The following APAF1 variants were observed in gnomAD, a reference collection of about 807,000 sequenced individuals.
The protein encoded by APAF1 is apoptotic protease-activating factor 1.
A neutral mutation model predicts 152.4 loss-of-function variants in APAF1; 91 were observed. The observed-to-expected ratio is 0.60, with a 90% CI of 0.50 to 0.71. The LOEUF (loss-of-function observed/expected upper bound fraction) is 0.71, where lower values mean the gene tolerates loss of function less well. Ranked by LOEUF, APAF1 falls within the 30% of genes least tolerant of loss-of-function variation. The probability of loss-of-function intolerance (pLI) is 0.00; values close to 1 mark genes in which losing one functional copy is unlikely to be tolerated. For missense variants in APAF1, 1,283 were observed against 1,472.0 expected (o/e 0.87, Z 2.10); for synonymous variants, 484 against 494.1 (o/e 0.98, Z 0.27).
chr12:98,725,305 G>A, intron 24 of APAF1, 110 bp from the exon 25 acceptor site: 1 of 1,387,068 alleles, frequency 7.2e-7, no homozygotes, highest in Non-Finnish European at 1.0e-6. Flanking sequence ...TTTATGAATT[G>A]CCAGATATTA....
intron 16 of APAF1, among the ~76,000 whole-genome samples, chr12:98,690,248 C>CTTTCTGGGTAGAATTCTACTT (rs2097702769): frequency 6.6e-6 from 1 of 152,170 alleles, no homozygotes; most frequent in South Asian, 2.1e-4. Flanking sequence ...TCTAGAAACT[C>CTTTCTGGGTAGAATTCTACTT]TTTCTGGGTA....
Position 98,723,231 on chromosome 12 carries a change from A to G in APAF1, c.3123A>G (p.Arg1041=). 6.2e-7 allele frequency: 1 copy of G among 1,613,616 alleles called. No homozygotes were observed. Among genetic ancestry groups the G allele is most frequent in the Non-Finnish European group, 8.5e-7 (1 of 1,179,558 alleles). ...AATTGGACAAATGTATCTTTCTACG[A>G]GGCCATCAGGAAACAGTGAAAGACT... is the stretch of plus-strand genomic sequence containing the variant. ...NWQLDKCIFL[R]GHQETVKDFR... Residue 1041 remains arginine, a synonymous_variant, in exon 23 of 27, where the codon CGA becomes CGG. Transcript: ENST00000551964.
intron 26 of APAF1, among the ~76,000 whole-genome samples, chr12:98,727,961 TAAA>T (rs1379168541): frequency 2.9e-5 from 4 of 138,996 alleles, no homozygotes; most frequent in Non-Finnish European, 4.7e-5. Context: ...AATAAATAAA[TAAA>T]TAAATTAATT....
chr12:98,681,917 A>G (rs1487978199), intron 14 of APAF1, among the ~76,000 whole-genome samples: 1 of 152,250 alleles, frequency 6.6e-6, no homozygotes, highest in Non-Finnish European at 1.5e-5. Context: ...GGAAATGCCA[A>G]AGGACATTAG....
chr12:98,711,378 G>A (rs1000761586), intron 20 of APAF1, among the ~76,000 whole-genome samples: 3 of 152,130 alleles, frequency 2.0e-5, no homozygotes, highest in Non-Finnish European at 4.4e-5. Context: ...TTTCATTTAA[G>A]TGAATAAAAC....
intron 1 of APAF1, among the ~76,000 whole-genome samples, chr12:98,646,780 A>C (rs2097641231): frequency 1.3e-5 from 2 of 152,204 alleles, no homozygotes; most frequent in South Asian, 2.1e-4. Context: ...CCCATGGAAA[A>C]ATTTGCATTA....
intron 12 of APAF1, among the ~76,000 whole-genome samples, chr12:98,675,554 CTCTTT>C (rs2097685588): frequency 6.6e-6 from 1 of 152,140 alleles, no homozygotes; most frequent in Non-Finnish European, 1.5e-5. Flanking sequence ...CATGTACAGA[CTCTTT>C]TCTTGTTATT....
At chr12:98,659,594 A>T (rs1368435457) in intron 5 of APAF1, among the ~76,000 whole-genome samples, 1 of 152,046 alleles carries the variant, frequency 6.6e-6, no homozygotes, top group African/African-American at 2.4e-5. Flanking sequence ...TCTACTAAAC[A>T]TACAAAATTA....
At chr12:98,729,921 T>TA (rs1346685082) in intron 26 of APAF1, among the ~76,000 whole-genome samples, 1 of 152,154 alleles carries the variant, frequency 6.6e-6, no homozygotes. Context: ...TATTTGATAA[T>TA]ACAGTAGGGA....
Position 98,723,619 on chromosome 12 carries a change from G to GTTTTTTTT in APAF1, c.3205-11_3205-4dup. 7.3e-7 allele frequency: 1 copy of GTTTTTTTT among 1,366,724 alleles called. No individual in the cohort carries two copies. Among genetic ancestry groups the GTTTTTTTT allele is most frequent in the Non-Finnish European group, 1.0e-6 (1 of 999,874 alleles). 84.7% of individuals were successfully genotyped at this position (1,366,724 alleles called of 1,614,324 possible). ...TTCTTAAAAGTGTCAACCTCCAAGT[G>GTTTTTTTT]TTTTTTTTTTTTTTTTAAGGTATGG... On this transcript the variant is annotated intron_variant, in intron 23 of 26. Coordinates refer to ENST00000551964, the MANE Select transcript of APAF1 (RefSeq NM_181861.2).
intron 12 of APAF1, among the ~76,000 whole-genome samples, chr12:98,672,246 C>T (rs1331330863): frequency 2.6e-5 from 4 of 152,040 alleles, no homozygotes; most frequent in Non-Finnish European, 2.9e-5. Flanking sequence ...CTCACTGCAA[C>T]CTCTGCCTCC....
At chr12:98,647,562 G>A (rs1040763256) in intron 1 of APAF1, among the ~76,000 whole-genome samples, 3 of 151,904 alleles carry the variant, frequency 2.0e-5, no homozygotes, top group South Asian at 2.1e-4. Context: ...AGTAGAGACA[G>A]GGTTTCACCA....
At chr12:98,705,332 AAG>A (rs999717686) in intron 18 of APAF1, among the ~76,000 whole-genome samples, 5 of 152,168 alleles carry the variant, frequency 3.3e-5, no homozygotes, top group Non-Finnish European at 4.4e-5. Flanking sequence ...AGAAAGTGGG[AAG>A]AGAGGGGAGG....
rs867128710 is a variant in APAF1, at chr12:98,647,725, T to C, written c.-41-594T>C. On this transcript the variant is annotated intron_variant, in intron 1 of 26. Coordinates refer to ENST00000551964, the MANE Select transcript of APAF1 (RefSeq NM_181861.2). ...TTTCTGTTTTTTTTTTTTTTTTTTTTCAGCAACAGTATTATGAACATCTTT... is the reference window on the plus strand; with the variant it reads ...TTTCTGTTTTTTTTTTTTTTTTTTTCCAGCAACAGTATTATGAACATCTTT... 3.1e-4 allele frequency among the ~76,000 whole-genome samples: 44 copies of C among 143,410 alleles called. No homozygotes were observed. In the South Asian group the frequency reaches 5.8e-3, roughly 19 times the overall value. The allele number at this position is 143,410 out of a possible 152,430, so 94.1% of individuals were successfully genotyped here.
Position 98,659,274 on chromosome 12 carries a change from A to T in APAF1, c.641A>T (p.Gln214Leu). ...TTGGATCAGGATGAGAGTTTTTCCC[A>T]GAGGCTTCCACTTAATATTGAAGAG... ...TRLDQDESFSQRLPLNIEEAK... is the reference protein window; with the variant it reads ...TRLDQDESFSLRLPLNIEEAK... The change falls in exon 5 of 27, where the codon CAG becomes CTG. Residue 214 changes from glutamine to leucine, a missense_variant. Gln to Leu is a moderately radical substitution (Grantham distance 113). Transcript: ENST00000551964. The T allele has an allele frequency of 6.2e-7, 1 of 1,614,218 alleles. No individual in the cohort carries two copies. Among genetic ancestry groups the T allele is most frequent in the Non-Finnish European group, 8.5e-7 (1 of 1,180,040 alleles).
rs189274286 is a variant in APAF1, at chr12:98,680,252, A to C, written c.1921-25A>C. On this transcript the variant is annotated intron_variant, in intron 13 of 26. Transcript: ENST00000551964. Reference sequence around the variant, plus strand: ...CAGTAGTTAAGCAGTTTATTATAAAAAATATTTTATTGTTACTTGTGCAGG... The same window carrying C: ...CAGTAGTTAAGCAGTTTATTATAAACAATATTTTATTGTTACTTGTGCAGG... 114 of 1,551,436 alleles carry C rather than the reference A, an allele frequency of 7.3e-5. 1 individual carries two copies. In the Middle Eastern group the frequency reaches 1.2e-3, roughly 16 times the overall value.
intron 16 of APAF1, among the ~76,000 whole-genome samples, chr12:98,692,274 G>A (rs904157755): frequency 1.3e-5 from 2 of 151,972 alleles, no homozygotes; most frequent in Non-Finnish European, 2.9e-5. Flanking sequence ...GAGTAGAGAC[G>A]GGGTTTCACC....
rs145807191 is a variant in APAF1, at chr12:98,706,501, C to T, written c.2612C>T (p.Ser871Leu). 1.4e-3 allele frequency: 2,307 copies of T among 1,614,024 alleles called. 5 individuals are homozygous for T. The highest frequency in any genetic ancestry group is 1.7e-3 in the Non-Finnish European group (2,035 of 1,179,922). The change falls in exon 19 of 27, where the codon TCA (serine) becomes TTA (leucine). Residue 871 changes from serine (S) to leucine (L), a missense_variant. Transcript: ENST00000551964. ...QYCVELWNTD[S>L]RSKVADCRGH... The stretch of plus-strand genomic sequence containing the variant: ...ATTCTGTAGTTGTGGAATACAGACT[C>T]ACGTTCAAAGGTGGCTGATTGCAGA...
In APAF1 at chr12:98,662,694, T is replaced by C. The variant is rs2097667111; in HGVS notation, c.843T>C (p.Pro281=). Residue 281 remains proline, a synonymous_variant, in exon 7 of 27, where the codon CCT becomes CCC. Transcript: ENST00000551964. ...DSVMGPKYVV[P]VESSLGKEKG... ...TTGCAGGTCCTAAATATGTAGTCCC[T>C]GTGGAGAGTTCCTTAGGAAAGGAAA... is the stretch of plus-strand genomic sequence containing the variant. The C allele has an allele frequency of 6.2e-7, 1 of 1,613,184 alleles. No individual in the cohort carries two copies. Among genetic ancestry groups the C allele is most frequent in the African/African-American group, 1.3e-5 (1 of 74,898 alleles).
Sources: gnomAD v4.1 joint callset for allele counts (sites outside exome capture counted in the v4.1 genomes callset) on GRCh38, gnomAD v4.1.1 for gene constraint, MANE v1.5 for transcripts, NCBI Gene and HGNC (gene_info 2026-07-23, HGNC 2026-07-21) for gene names.